Variants in P4HB observed in about 807,000 individuals in gnomAD.
The protein encoded by P4HB is prolyl 4-hydroxylase subunit beta.
P4HB carries 20 observed loss-of-function variants against 52.6 expected under a neutral mutation model. The ratio of observed to expected loss-of-function variants is 0.38; its 90% confidence interval spans 0.27 to 0.55. The LOEUF (loss-of-function observed/expected upper bound fraction) is 0.55, where lower values mean the gene tolerates loss of function less well. P4HB is among the 20% of genes least tolerant of loss of function. P4HB has a pLI of 0.74. For synonymous variants in P4HB, 296 were observed against 277.9 expected (o/e 1.07, Z -0.65); for missense variants, 601 against 669.2 (o/e 0.90, Z 1.12).
rs779441257 is a variant in P4HB at position 81,859,404 on chromosome 17, G to A, written c.146-17C>T. ...AAGGGGCATCTGGAAGCGGAAATGA[G>A]ATGCTAGAAAGCAGCCTTGATCCCT... On this transcript the variant is annotated splice_polypyrimidine_tract_variant and intron_variant, in intron 1 of 10. Coordinates refer to ENST00000331483, the MANE Select transcript of P4HB (RefSeq NM_000918.4). 2 of 1,608,374 alleles carry A rather than the reference G, an allele frequency of 1.2e-6. No homozygotes were observed. The highest frequency in any genetic ancestry group is 2.2e-5 in the East Asian group (1 of 44,778).
intron 4 of P4HB, among the ~76,000 whole-genome samples, chr17:81,850,721 G>C (rs1435404260): frequency 6.6e-6 from 1 of 152,152 alleles, no homozygotes; most frequent in African/African-American, 2.4e-5. Context: ...GACTTCAGGT[G>C]ATCTGCCCGC....
chr17:81,850,016 CAG>C (rs1567838233), intron 4 of P4HB, among the ~76,000 whole-genome samples: 1 of 146,606 alleles, frequency 6.8e-6, no homozygotes, highest in Admixed American at 6.9e-5. Flanking sequence ...TTAGTAGAGA[CAG>C]GGTTTTACCA....
rs749070385 is a variant in P4HB, at chr17:81,846,395, G to A, written c.1056+34C>T. The A allele has an allele frequency of 3.7e-6, 6 of 1,605,758 alleles. No individual in the cohort carries two copies. Among genetic ancestry groups the A allele is most frequent in the South Asian group, 3.3e-5 (3 of 90,932 alleles). ...AGACCCCAAGGTGGCGGCTCTACCCGGGAGGCAGCCCTGGCCCGGGGACGC... is the reference window on the plus strand; with the variant it reads ...AGACCCCAAGGTGGCGGCTCTACCCAGGAGGCAGCCCTGGCCCGGGGACGC... On this transcript the variant is annotated intron_variant, in intron 7 of 10. Transcript: ENST00000331483. The surrounding 1 kb of genome is among the most constrained non-coding windows in gnomAD (Gnocchi z 5.7).
rs1313814320 is a variant in P4HB at position 81,846,590 on chromosome 17, G to T, written c.895C>A (p.Gln299Lys). ...AGGCCAAAGAACTCGAGGATGCGCTGGTTGTCGGTGTGGTCGCTGTCGATG... is the reference window on the plus strand; with the variant it reads ...AGGCCAAAGAACTCGAGGATGCGCTTGTTGTCGGTGTGGTCGCTGTCGATG... ...IFIDSDHTDN[Q>K]RILEFFGLKK... The change falls in exon 7 of 11, where the codon CAG (glutamine) becomes AAG (lysine). Residue 299 changes from glutamine to lysine, a missense_variant. Transcript: ENST00000331483. This position sits in a 1 kb window ranked among gnomAD's most constrained non-coding sequence, Gnocchi z 5.7. 1 of 1,614,110 alleles carries T rather than the reference G, an allele frequency of 6.2e-7. No homozygotes were observed. The highest frequency in any genetic ancestry group is 8.5e-7 in the Non-Finnish European group (1 of 1,180,034).
intron 4 of P4HB, among the ~76,000 whole-genome samples, chr17:81,853,677 A>G (rs2038868383): frequency 2.0e-5 from 3 of 152,022 alleles, no homozygotes; most frequent in Admixed American, 6.6e-5. Flanking sequence ...TTGGCTTATG[A>G]TGCTGCTGTC....
chr17:81,859,998 G>A, intron 1 of P4HB: 2 of 232,082 alleles, frequency 8.6e-6, no homozygotes, highest in Middle Eastern at 1.3e-3. Flanking sequence ...CAGGAGCGGG[G>A]CGCCTTCCGG....
In P4HB at chr17:81,843,376, G is replaced by C; in HGVS notation, c.*636C>G. On this transcript the variant is annotated 3_prime_UTR_variant, in exon 11 of 11. Transcript: ENST00000331483. The stretch of plus-strand genomic sequence containing the variant: ...GCCCACGACAGGAGGAGGAGCCCTG[G>C]CTTGAGGGAAGGGGAAGGCCCAGGC... 2.5e-6 allele frequency: 1 copy of C among 397,852 alleles called. No individual in the cohort carries two copies. 24.6% of individuals were successfully genotyped at this position (397,852 alleles called of 1,614,324 possible). A position where few individuals can be genotyped will look rare whatever the true frequency, so the allele number is the denominator to read the frequency against.
chr17:81,844,717 CAG>C (rs1303283101), intron 10 of P4HB, among the ~76,000 whole-genome samples: 5 of 152,236 alleles, frequency 3.3e-5, no homozygotes, highest in African/African-American at 1.2e-4. Flanking sequence ...GCTTCCCCGG[CAG>C]AGTCACCACT....
rs1476214517 is a variant in P4HB at position 81,855,934 on chromosome 17, T to C, written c.353-348A>G. On this transcript the variant is annotated intron_variant, in intron 2 of 10. Coordinates refer to ENST00000331483, the MANE Select transcript of P4HB (RefSeq NM_000918.4). The surrounding 1 kb of genome is among the most constrained non-coding windows in gnomAD (Gnocchi z 4.3). ...ACCCAGCTGGAGGGTAGTGGCAGAA[T>C]CTTGGCTCACTGCAGCCTCCACCCA... 1 of 215,222 alleles carries C rather than the reference T, an allele frequency of 4.6e-6. No individual in the cohort carries two copies. Among genetic ancestry groups the C allele is most frequent in the African/African-American group, 2.3e-5 (1 of 43,128 alleles). 13.3% of individuals were successfully genotyped at this position (215,222 alleles called of 1,614,324 possible).
intron 5 of P4HB, 30 bp downstream of exon 5, chr17:81,847,213 C>T (rs1177463147): frequency 1.9e-6 from 3 of 1,610,578 alleles, no homozygotes; most frequent in Non-Finnish European, 8.5e-7. Flanking sequence ...CCTCCCCATC[C>T]CCAGCCTGGG....
rs1243965498 is a variant in P4HB at position 81,847,067 on chromosome 17, G to C, written c.735C>G (p.Ala245=). ...PLVIEFTEQT[A]PKIFGGEIKT... Reference sequence around the variant, plus strand: ...TGATTTCACCTCCAAAAATCTTCGGGGCTGTCTGTGTTATAAACTTAAGTT... The same window carrying C: ...TGATTTCACCTCCAAAAATCTTCGGCGCTGTCTGTGTTATAAACTTAAGTT... Residue 245 remains alanine (A), a synonymous_variant, in exon 6 of 11, where the codon GCC becomes GCG. Coordinates refer to ENST00000331483, the MANE Select transcript of P4HB (RefSeq NM_000918.4). 6.2e-7 allele frequency: 1 copy of C among 1,613,976 alleles called. No individual in the cohort carries two copies. The highest frequency in any genetic ancestry group is 1.1e-5 in the South Asian group (1 of 91,082).
chr17:81,859,358 G>A lies in P4HB; in HGVS notation c.175C>T (p.Leu59=). ...YAPWCGHCKA[L]APEYAKAAGK... is the part of the protein sequence containing the mutation. ...GCGGCTTTGGCATACTCAGGGGCCAGAGCCTTGCAGTGGCCACACCAAGGG... is the reference window on the plus strand; with the variant it reads ...GCGGCTTTGGCATACTCAGGGGCCAAAGCCTTGCAGTGGCCACACCAAGGG... Residue 59 remains leucine (L), a synonymous_variant, in exon 2 of 11, where the codon CTG becomes TTG. Coordinates refer to ENST00000331483, the MANE Select transcript of P4HB (RefSeq NM_000918.4). 1.2e-6 allele frequency: 2 copies of A among 1,613,834 alleles called. No homozygotes were observed. The highest frequency in any genetic ancestry group is 1.7e-6 in the Non-Finnish European group (2 of 1,180,012).
intron 4 of P4HB, among the ~76,000 whole-genome samples, chr17:81,850,020 GT>G (rs1232745354): frequency 6.6e-6 from 1 of 150,910 alleles, no homozygotes; most frequent in Non-Finnish European, 1.5e-5. Flanking sequence ...TAGAGACAGG[GT>G]TTTACCATGT....
chr17:81,857,837 A>G (rs965312708), intron 2 of P4HB, among the ~76,000 whole-genome samples: 1 of 152,158 alleles, frequency 6.6e-6, no homozygotes, highest in Non-Finnish European at 1.5e-5. Flanking sequence ...GGAAAACCCC[A>G]TTCAGATGTA....
intron 4 of P4HB, among the ~76,000 whole-genome samples, chr17:81,850,657 A>G (rs1598266879): frequency 6.9e-6 from 1 of 145,528 alleles, no homozygotes; most frequent in African/African-American, 2.6e-5. Context: ...CAAATTTTGT[A>G]TTTTTATTAG....
At chr17:81,859,033 G>A in intron 2 of P4HB, 148 bp downstream of exon 2, 1 of 668,862 alleles carries the variant, frequency 1.5e-6, no homozygotes, top group Non-Finnish European at 2.6e-6. Context: ...CAGGGCACAA[G>A]TGGACAGAGA....
chr17:81,850,177 G>T (rs1243799325), intron 4 of P4HB, among the ~76,000 whole-genome samples: 1 of 151,316 alleles, frequency 6.6e-6, no homozygotes, highest in Non-Finnish European at 1.5e-5. Context: ...TTGTTGCCCA[G>T]GCTAGAGTGC....
chr17:81,847,948 A>G, intron 4 of P4HB: 1 of 134,422 alleles, frequency 7.4e-6, no homozygotes, highest in Admixed American at 8.4e-5. Flanking sequence ...TGTGTCTCCC[A>G]GGCTGGAGTG....
chr17:81,849,861 A>G lies in P4HB; in HGVS notation c.625-2514T>C, dbSNP rs544333651. Among the ~76,000 whole-genome samples, 6 of 151,704 alleles carry G rather than the reference A, an allele frequency of 4.0e-5. No homozygotes were observed. The East Asian group carries it at 5.8e-4, about 15-fold the overall frequency. On this transcript the variant is annotated intron_variant, in intron 4 of 10. Coordinates refer to ENST00000331483, the MANE Select transcript of P4HB (RefSeq NM_000918.4). Reference sequence around the variant, plus strand: ...TTATTTTTTGAGACGGAGTTTTGCTATTGTCACCCAGGCTGGAGTGCAATG... The same window carrying G: ...TTATTTTTTGAGACGGAGTTTTGCTGTTGTCACCCAGGCTGGAGTGCAATG...
Sources: allele counts gnomAD v4.1 joint callset (sites outside exome capture counted in the v4.1 genomes callset), GRCh38; gene constraint gnomAD v4.1.1; non-coding constraint Gnocchi (gnomAD v3.1); transcripts MANE v1.5; gene names NCBI Gene and HGNC (gene_info 2026-07-23, HGNC 2026-07-21).